The following ADARB2 variants were observed in gnomAD, a reference collection of about 807,000 sequenced individuals.
ADARB2 encodes the protein inactive double-stranded RNA-specific editase B2.
A neutral mutation model predicts 62.2 loss-of-function variants in ADARB2; 25 were observed. The observed-to-expected ratio is 0.40, with a 90% CI of 0.29 to 0.56. The LOEUF (loss-of-function observed/expected upper bound fraction) is 0.56, where lower values mean the gene tolerates loss of function less well. Among genes scored for constraint, ADARB2 ranks in the 20% least tolerant of loss-of-function variants. ADARB2 has a pLI of 0.43. For synonymous variants in ADARB2, 572 were observed against 500.8 expected (o/e 1.14, Z -1.90); for missense variants, 1,071 against 1,077.4 (o/e 0.99, Z 0.08).
intron 1 of ADARB2, among the ~76,000 whole-genome samples, chr10:1,627,635 G>A (rs1833787167): frequency 6.6e-6 from 1 of 152,136 alleles, no homozygotes; most frequent in African/African-American, 2.4e-5. Context: ...CTACTGGTTT[G>A]TCATAAGAAA....
intron 1 of ADARB2, among the ~76,000 whole-genome samples, chr10:1,431,093 A>G (rs1209563078): frequency 6.6e-6 from 1 of 152,248 alleles, no homozygotes; most frequent in Non-Finnish European, 1.5e-5. Context: ...GAATATTGTC[A>G]CAGGATATGT....
rs533351963 is a variant in ADARB2 at position 1,481,433 on chromosome 10, AAAG to A, written c.101-102276_101-102274del. 2.2e-4 allele frequency among the ~76,000 whole-genome samples: 34 copies of A among 152,368 alleles called. No homozygotes were observed. In the East Asian group the frequency reaches 5.2e-3, roughly 23 times the overall value. On this transcript the variant is annotated intron_variant, in intron 1 of 9. Coordinates refer to ENST00000381312, the MANE Select transcript of ADARB2 (RefSeq NM_018702.4). Reference sequence around the variant, plus strand: ...AATGACACCAAAAGCATAGGTGATGAAAGAAGAAGTAGATAAATTCTACTTCAC... The same window carrying A: ...AATGACACCAAAAGCATAGGTGATGAAAGAAGTAGATAAATTCTACTTCAC...
intron 2 of ADARB2, among the ~76,000 whole-genome samples, chr10:1,371,473 G>A (rs997088701): frequency 1.3e-5 from 2 of 151,946 alleles, no homozygotes; most frequent in Admixed American, 1.3e-4. Flanking sequence ...CTTCTGCACA[G>A]CAAAAAATAA....
chr10:1,234,348 G>A (rs1000754566), intron 5 of ADARB2, among the ~76,000 whole-genome samples: 4 of 152,018 alleles, frequency 2.6e-5, no homozygotes, highest in African/African-American at 9.7e-5. Flanking sequence ...AACACTTCTA[G>A]AACAGGCAGC....
At chr10:1,203,970 G>A (rs1443745537) in intron 7 of ADARB2, among the ~76,000 whole-genome samples, 2 of 152,184 alleles carry the variant, frequency 1.3e-5, no homozygotes, top group East Asian at 3.9e-4. Flanking sequence ...GCTCCAGGTG[G>A]CTCTGAGGCT....
At chr10:1,480,741 A>C (rs1043722588) in intron 1 of ADARB2, among the ~76,000 whole-genome samples, 1 of 152,224 alleles carries the variant, frequency 6.6e-6, no homozygotes, top group Non-Finnish European at 1.5e-5. Flanking sequence ...ATCTAAAAGA[A>C]TAAAATACTT....
chr10:1,221,620 A>G (rs1382115756), intron 6 of ADARB2, among the ~76,000 whole-genome samples: 1 of 134,318 alleles, frequency 7.4e-6, no homozygotes, highest in African/African-American at 2.9e-5. Context: ...TCCTGTGTCC[A>G]TGTGTTCTCA....
At chr10:1,603,881 C>T (rs1008660473) in intron 1 of ADARB2, among the ~76,000 whole-genome samples, 1 of 152,052 alleles carries the variant, frequency 6.6e-6, no homozygotes, top group Non-Finnish European at 1.5e-5. Context: ...CAGCTCACTG[C>T]AACCTCTCTG....
chr10:1,386,893 A>G (rs1261249577), intron 1 of ADARB2, among the ~76,000 whole-genome samples: 1 of 151,936 alleles, frequency 6.6e-6, no homozygotes. Context: ...AATAAATTTT[A>G]TAGGTTTGAG....
intron 5 of ADARB2, among the ~76,000 whole-genome samples, chr10:1,240,800 G>GT (rs1830913063): frequency 6.6e-6 from 1 of 152,248 alleles, no homozygotes; most frequent in African/African-American, 2.4e-5. Context: ...ACAAACAAGA[G>GT]TGAGGGATCT....
chr10:1,217,227 G>A, intron 6 of ADARB2, 108 bp from the exon 7 acceptor site: 1 of 1,163,792 alleles, frequency 8.6e-7, no homozygotes, highest in Non-Finnish European at 1.2e-6. Context: ...CCCTCACCAT[G>A]GCTGGGCGTT....
chr10:1,209,803 T>A (rs1837125025), intron 7 of ADARB2, among the ~76,000 whole-genome samples: 1 of 152,202 alleles, frequency 6.6e-6, no homozygotes, highest in African/African-American at 2.4e-5. Flanking sequence ...ACTGAATGAC[T>A]GTGGCCACAG....
chr10:1,183,317 G>T lies in ADARB2; in HGVS notation c.2096C>A (p.Ala699Asp). 1.9e-6 allele frequency: 3 copies of T among 1,614,180 alleles called. No individual in the cohort carries two copies. The highest frequency in any genetic ancestry group is 2.5e-6 in the Non-Finnish European group (3 of 1,180,036). ...PGDTPSMYCE[A>D]KLGAHTYQSV... ...CTGGTAGGTGTGCGCCCCCAGCTTG[G>T]CCTCACAGTACATGGAGGGCGTGTC... Residue 699 changes from alanine (A) to aspartate (D), a missense_variant, in exon 10 of 10, where the codon GCC becomes GAC. Ala to Asp is a moderately radical substitution (Grantham distance 126). Coordinates refer to ENST00000381312, the MANE Select transcript of ADARB2 (RefSeq NM_018702.4).
intron 1 of ADARB2, among the ~76,000 whole-genome samples, chr10:1,395,857 C>T (rs929776272): frequency 6.6e-6 from 1 of 152,212 alleles, no homozygotes; most frequent in African/African-American, 2.4e-5. Context: ...GCCTTGCTGA[C>T]GCTTGCCCTT....
At chr10:1,493,905 G>A (rs190105736) in intron 1 of ADARB2, among the ~76,000 whole-genome samples, 12 of 151,784 alleles carry the variant, frequency 7.9e-5, no homozygotes, top group Admixed American at 6.6e-4. Flanking sequence ...ACAGGCGTGC[G>A]CCACTACGCC....
chr10:1,246,746 T>C (rs1418942003), intron 4 of ADARB2, among the ~76,000 whole-genome samples: 8 of 138,768 alleles, frequency 5.8e-5, no homozygotes, highest in Admixed American at 5.0e-4. Flanking sequence ...TGTAGCCTTG[T>C]AATATAGTTT....
At chr10:1,318,775 T>G (rs1831766241) in intron 3 of ADARB2, among the ~76,000 whole-genome samples, 1 of 152,218 alleles carries the variant, frequency 6.6e-6, no homozygotes, top group African/African-American at 2.4e-5. Context: ...CGTTACTGTG[T>G]TGGCCACAGT....
At chr10:1,471,205 C>T (rs1217254939) in intron 1 of ADARB2, among the ~76,000 whole-genome samples, 2 of 152,176 alleles carry the variant, frequency 1.3e-5, no homozygotes, top group Non-Finnish European at 2.9e-5. Flanking sequence ...CAGAACACTC[C>T]AGAGAGGTTT....
chr10:1,369,683 G>A (rs1023299257), intron 2 of ADARB2, among the ~76,000 whole-genome samples: 2 of 138,904 alleles, frequency 1.4e-5, no homozygotes, highest in Non-Finnish European at 3.1e-5. Flanking sequence ...GCCTGACTTA[G>A]GCTCACAAAG....
Sources: allele counts gnomAD v4.1 joint callset (sites outside exome capture counted in the v4.1 genomes callset), GRCh38; gene constraint gnomAD v4.1.1; transcripts MANE v1.5; gene names NCBI Gene and HGNC (gene_info 2026-07-23, HGNC 2026-07-21).